PAMR1: variants seen among roughly 807,000 people sequenced by gnomAD.
The protein encoded by PAMR1 is peptidase domain containing associated with muscle regeneration 1.
Under a neutral mutation model 81.8 loss-of-function variants are expected in PAMR1, and 88 were observed. The observed-to-expected ratio is 1.08, with a 90% CI of 0.91 to 1.28. PAMR1 has a LOEUF of 1.28. Ranked by LOEUF, PAMR1 falls within the 50% of genes most tolerant of loss-of-function variation. PAMR1 has a pLI of 0.00. For missense variants in PAMR1, 935 were observed against 919.7 expected, an observed-to-expected ratio of 1.02 and a Z score of -0.21; for synonymous variants, 336 against 345.3, an observed-to-expected ratio of 0.97 and a Z score of 0.30.
intron 1 of PAMR1, among the ~76,000 whole-genome samples, chr11:35,499,331 C>T (rs1850786887): frequency 6.6e-6 from 1 of 152,198 alleles, no homozygotes; most frequent in African/African-American, 2.4e-5. Flanking sequence ...ACTCTCTGAA[C>T]AGCGAATATG....
In PAMR1 at chr11:35,441,582, A is replaced by G; in HGVS notation, c.932T>C (p.Val311Ala). The change falls in exon 7 of 11, where the codon GTG (valine) becomes GCG (alanine). Residue 311 changes from valine (V) to alanine (A), a missense_variant. By Grantham distance (64) the Val-to-Ala change is moderately conservative (BLOSUM62 0). Coordinates refer to ENST00000619888, the MANE Select transcript of PAMR1 (RefSeq NM_001001991.3). ...NGRHAKIGTV[V>A]SFFCNNSYVL... ...ATAGGAGTTGTTACAAAAGAAAGAC[A>G]CCACGGTGCCAATTTTAGCATGGCG... 1 of 1,614,062 alleles carries G rather than the reference A, an allele frequency of 6.2e-7. No homozygotes were observed. The highest frequency in any genetic ancestry group is 1.1e-5 in the South Asian group (1 of 91,082).
At chr11:35,452,339 A>G (rs1391880498) in intron 6 of PAMR1, among the ~76,000 whole-genome samples, 1 of 152,242 alleles carries the variant, frequency 6.6e-6, no homozygotes, top group African/African-American at 2.4e-5. Context: ...GATTTAAAAT[A>G]CATGGGAAAA....
At chr11:35,473,813 G>A (rs117394258) in intron 4 of PAMR1, among the ~76,000 whole-genome samples, 18 of 152,232 alleles carry the variant, frequency 1.2e-4, no homozygotes, top group South Asian at 4.2e-4. Flanking sequence ...TTTTAAATCC[G>A]TTCACTGTCA....
At chr11:35,512,982 C>A (rs1468970200) in intron 1 of PAMR1, among the ~76,000 whole-genome samples, 5 of 152,182 alleles carry the variant, frequency 3.3e-5, no homozygotes, top group Non-Finnish European at 4.4e-5. Context: ...CAGAGTGAGA[C>A]CCTGTCTAAA....
intron 6 of PAMR1, among the ~76,000 whole-genome samples, chr11:35,458,264 T>C (rs1856575356): frequency 6.6e-6 from 1 of 152,242 alleles, no homozygotes; most frequent in Admixed American, 6.5e-5. Flanking sequence ...CACCCCCAGA[T>C]GAATGTGTGT....
rs771075275 is a variant in PAMR1, at chr11:35,432,585, T to C, written c.1934A>G (p.Asp645Gly). The change falls in exon 11 of 11, where the codon GAT (aspartate) becomes GGT (glycine). Residue 645 changes from aspartate to glycine, a missense_variant. Coordinates refer to ENST00000619888, the MANE Select transcript of PAMR1 (RefSeq NM_001001991.3). Reference protein sequence around the residue: ...EDHGIPVSVTDNMFCASWEPT... With the variant: ...EDHGIPVSVTGNMFCASWEPT... ...TTCCCAGCTGGCACAGAACATGTTATCAGTGACACTCACTGGGATGCCATG... is the reference window on the plus strand; with the variant it reads ...TTCCCAGCTGGCACAGAACATGTTACCAGTGACACTCACTGGGATGCCATG... 7 of 1,614,022 alleles carry C rather than the reference T, an allele frequency of 4.3e-6. No homozygotes were observed. The South Asian group carries it at 7.7e-5, about 18-fold the overall frequency.
chr11:35,436,656 T>TCTCACA (rs1555030665), intron 8 of PAMR1, among the ~76,000 whole-genome samples: 1 of 144,836 alleles, frequency 6.9e-6, no homozygotes, highest in African/African-American at 2.5e-5. Flanking sequence ...TCTCTCTCTG[T>TCTCACA]CACACACACA....
At chr11:35,480,244 T>C (rs1376817821) in intron 3 of PAMR1, among the ~76,000 whole-genome samples, 2 of 152,184 alleles carry the variant, frequency 1.3e-5, no homozygotes, top group Non-Finnish European at 1.5e-5. Flanking sequence ...CCACCCCATG[T>C]CAAATGGCCT....
At chr11:35,500,626 T>C (rs1242124447) in intron 1 of PAMR1, among the ~76,000 whole-genome samples, 2 of 152,186 alleles carry the variant, frequency 1.3e-5, no homozygotes, top group East Asian at 3.9e-4. Context: ...TTAAATAAAA[T>C]TACAGAAAGA....
chr11:35,514,567 C>T (rs1415831405), intron 1 of PAMR1, among the ~76,000 whole-genome samples: 1 of 152,204 alleles, frequency 6.6e-6, no homozygotes, highest in Non-Finnish European at 1.5e-5. Flanking sequence ...TCCTCAACAA[C>T]TGTGGTGCTG....
At chr11:35,490,144 C>A (rs894433253) in intron 3 of PAMR1, among the ~76,000 whole-genome samples, 2 of 152,210 alleles carry the variant, frequency 1.3e-5, no homozygotes, top group African/African-American at 4.8e-5. Context: ...ATAAAACCAT[C>A]AGATCTCCTG....
At chr11:35,449,076 G>A (rs570481880) in intron 6 of PAMR1, among the ~76,000 whole-genome samples, 2 of 152,350 alleles carry the variant, frequency 1.3e-5, no homozygotes, top group South Asian at 4.1e-4. Context: ...TGTATGAGGT[G>A]TCTGGCCACC....
chr11:35,491,249 TG>T (rs1850620034), intron 3 of PAMR1, among the ~76,000 whole-genome samples: 1 of 152,168 alleles, frequency 6.6e-6, no homozygotes, highest in African/African-American at 2.4e-5. Context: ...GTCTTGAAAC[TG>T]ATGGTATTTC....
intron 1 of PAMR1, among the ~76,000 whole-genome samples, chr11:35,510,003 G>A (rs185724931): frequency 3.3e-5 from 5 of 152,306 alleles, no homozygotes; most frequent in African/African-American, 1.2e-4. Context: ...CCAAGGCACT[G>A]AGAAAACAAG....
Position 35,441,503 on chromosome 11 carries a change from C to T in PAMR1, c.1011G>A (p.Gly337=), listed in dbSNP as rs753235834. 6 of 1,612,562 alleles carry T rather than the reference C, an allele frequency of 3.7e-6. No individual in the cohort carries two copies. Among genetic ancestry groups the T allele is most frequent in the Non-Finnish European group, 5.1e-6 (6 of 1,179,474 alleles). The change falls in exon 7 of 11, where the codon GGG becomes GGA. Residue 337 remains glycine, a synonymous_variant. Coordinates refer to ENST00000619888, the MANE Select transcript of PAMR1 (RefSeq NM_001001991.3). ...TACCTTTTATGCAGATGGGCTGTTTCCCTGACCACTCTCCATTCTGCTGGC... is the reference window on the plus strand; with the variant it reads ...TACCTTTTATGCAGATGGGCTGTTTTCCTGACCACTCTCCATTCTGCTGGC... The part of the protein sequence containing the change: ...RTCQQNGEWS[G]KQPICIKACR...
chr11:35,469,665 G>A (rs1856814594), intron 5 of PAMR1, among the ~76,000 whole-genome samples: 1 of 152,210 alleles, frequency 6.6e-6, no homozygotes, highest in Non-Finnish European at 1.5e-5. Flanking sequence ...GGGTCTCCTG[G>A]CCTTGCTGAA....
chr11:35,478,727 C>T (rs986462833), intron 3 of PAMR1, among the ~76,000 whole-genome samples: 2 of 152,170 alleles, frequency 1.3e-5, no homozygotes, highest in Non-Finnish European at 2.9e-5. Flanking sequence ...GCCAACCTAG[C>T]AGGTGGTCCT....
chr11:35,464,695 G>A (rs1856726571), intron 6 of PAMR1, among the ~76,000 whole-genome samples: 1 of 152,192 alleles, frequency 6.6e-6, no homozygotes, highest in African/African-American at 2.4e-5. Flanking sequence ...AAAAGGTCTA[G>A]AAGAATATCC....
intron 6 of PAMR1, among the ~76,000 whole-genome samples, chr11:35,458,849 T>A (rs561615090): frequency 6.6e-6 from 1 of 152,206 alleles, no homozygotes; most frequent in Non-Finnish European, 1.5e-5. Context: ...GCCTCTCTTC[T>A]CTTCCTCATT....
Sources: gnomAD v4.1 joint callset for allele counts (sites outside exome capture counted in the v4.1 genomes callset) on GRCh38, gnomAD v4.1.1 for gene constraint, MANE v1.5 for transcripts, NCBI Gene and HGNC (gene_info 2026-07-23, HGNC 2026-07-21) for gene names.